The following CSMD1 variants were observed in gnomAD, a reference collection of about 807,000 sequenced individuals.
CSMD1 encodes the protein CUB and Sushi multiple domains 1, also known as CUB and sushi domain-containing protein 1.
A neutral mutation model predicts 417.5 loss-of-function variants in CSMD1; 213 were observed. The observed-to-expected ratio is 0.51, with a 90% confidence interval of 0.46 to 0.57. The LOEUF (loss-of-function observed/expected upper bound fraction) is 0.57. Ranked by LOEUF, CSMD1 falls within the 20% of genes least tolerant of loss-of-function variation. The probability of loss-of-function intolerance (pLI) is 0.00; values close to 1 mark genes in which losing one functional copy is unlikely to be tolerated. For synonymous variants in CSMD1, 2,862 were observed against 1,736.8 expected, an observed-to-expected ratio of 1.65 and a Z score of -16.11; for missense variants, 6,923 against 4,529.7, an observed-to-expected ratio of 1.53 and a Z score of -15.17.
chr8:3,982,404 T>G (rs1239942575), intron 5 of CSMD1, among the ~76,000 whole-genome samples: 1 of 151,890 alleles, frequency 6.6e-6, no homozygotes, highest in Non-Finnish European at 1.5e-5. Flanking sequence ...TTAAATGAGC[T>G]AATATATGGA....
chr8:3,722,914 T>C (rs577778319), intron 6 of CSMD1, among the ~76,000 whole-genome samples: 123 of 13,540 alleles, frequency 9.1e-3, no homozygotes, highest in African/African-American at 0.016. Context: ...AGCAAACTAT[T>C]GTGTGTGTGC....
chr8:3,036,388 T>C (rs1810675552), intron 50 of CSMD1, among the ~76,000 whole-genome samples: 3 of 152,234 alleles, frequency 2.0e-5, no homozygotes. Context: ...TTTTGCTTTG[T>C]TTTGTTTCTT....
At chr8:4,354,242 A>G (rs1801266070) in intron 3 of CSMD1, among the ~76,000 whole-genome samples, 1 of 152,152 alleles carries the variant, frequency 6.6e-6, no homozygotes, top group African/African-American at 2.4e-5. Context: ...CACCTTACCA[A>G]CAACATTGTA....
chr8:3,273,679 G>A (rs567463125), intron 26 of CSMD1, among the ~76,000 whole-genome samples: 1 of 152,162 alleles, frequency 6.6e-6, no homozygotes, highest in African/African-American at 2.4e-5. Context: ...ATGTGTCCAG[G>A]AATTTATCCA....
intron 54 of CSMD1, among the ~76,000 whole-genome samples, chr8:2,987,427 AAT>A (rs929773562): frequency 6.7e-6 from 1 of 148,448 alleles, no homozygotes; most frequent in African/African-American, 2.4e-5. Context: ...TATATACATA[AAT>A]ATATATAAGA....
chr8:3,952,503 C>G (rs757505165), intron 5 of CSMD1, among the ~76,000 whole-genome samples: 10 of 152,080 alleles, frequency 6.6e-5, no homozygotes, highest in Non-Finnish European at 1.2e-4. Flanking sequence ...CAGATACAAG[C>G]CACATAAACA....
intron 1 of CSMD1, among the ~76,000 whole-genome samples, chr8:4,698,363 G>A (rs922739707): frequency 6.6e-6 from 1 of 152,052 alleles, no homozygotes; most frequent in Non-Finnish European, 1.5e-5. Flanking sequence ...ATAAACTGGT[G>A]AATGCATCAG....
chr8:4,678,222 C>T (rs1202046202), intron 1 of CSMD1, among the ~76,000 whole-genome samples: 1 of 151,694 alleles, frequency 6.6e-6, no homozygotes, highest in African/African-American at 2.4e-5. Context: ...GTCAGCCTGG[C>T]CAACCTGGTG....
chr8:4,448,363 G>A (rs929609383), intron 2 of CSMD1, among the ~76,000 whole-genome samples: 1 of 152,136 alleles, frequency 6.6e-6, no homozygotes, highest in African/African-American at 2.4e-5. Context: ...TCAATTAACA[G>A]GGAATAAAAC....
chr8:3,359,969 C>G (rs1203694098), intron 20 of CSMD1, among the ~76,000 whole-genome samples: 1 of 152,156 alleles, frequency 6.6e-6, no homozygotes, highest in Non-Finnish European at 1.5e-5. Context: ...AATAATTTTA[C>G]TGATATTTCT....
At chr8:4,362,195 C>A (rs118103095) in intron 3 of CSMD1, among the ~76,000 whole-genome samples, 4 of 152,086 alleles carry the variant, frequency 2.6e-5, no homozygotes, top group Non-Finnish European at 5.9e-5. Flanking sequence ...TCCATTACAT[C>A]TGTATTTTCC....
chr8:4,670,680 A>T (rs1435479649), intron 1 of CSMD1, among the ~76,000 whole-genome samples: 1 of 152,168 alleles, frequency 6.6e-6, no homozygotes, highest in Non-Finnish European at 1.5e-5. Flanking sequence ...TATTACTATG[A>T]TAGGTTTGAT....
intron 3 of CSMD1, among the ~76,000 whole-genome samples, chr8:4,056,029 G>A (rs929713181): frequency 1.3e-5 from 2 of 150,976 alleles, no homozygotes; most frequent in African/African-American, 4.9e-5. Context: ...ATTTCCTCCT[G>A]GGAAAATTGA....
intron 36 of CSMD1, among the ~76,000 whole-genome samples, chr8:3,182,621 T>A (rs1821421775): frequency 1.7e-5 from 1 of 60,606 alleles, no homozygotes; most frequent in Non-Finnish European, 5.0e-5. Context: ...TGTGTGTGTG[T>A]GTGTGTGTGT....
At chr8:4,364,530 A>G (rs1332015890) in intron 3 of CSMD1, among the ~76,000 whole-genome samples, 1 of 78,604 alleles carries the variant, frequency 1.3e-5, no homozygotes, top group Non-Finnish European at 2.3e-5. Flanking sequence ...CATTTTTTAA[A>G]AAGATAATCA....
chr8:4,031,249 A>C (rs927620932), intron 4 of CSMD1, among the ~76,000 whole-genome samples: 8 of 152,208 alleles, frequency 5.3e-5, no homozygotes, highest in Non-Finnish European at 1.0e-4. Context: ...CTGCTGATAA[A>C]GACATACCTG....
At chr8:4,806,311 G>A (rs1046654683) in intron 1 of CSMD1, among the ~76,000 whole-genome samples, 51 of 152,136 alleles carry the variant, frequency 3.4e-4, no homozygotes, top group African/African-American at 9.9e-4. Flanking sequence ...AGGTGGCCTA[G>A]TTCCACCCTA....
intron 5 of CSMD1, among the ~76,000 whole-genome samples, chr8:3,844,506 C>A (rs911032149): frequency 6.6e-6 from 1 of 152,068 alleles, no homozygotes; most frequent in South Asian, 2.1e-4. Context: ...TGTGACTAAC[C>A]GTAACTTCAT....
At position 3,662,856 on chromosome 8, in the gene CSMD1, G is replaced by A. The variant is rs71521886; in HGVS notation, c.1009+45558C>T. 7.0e-3 allele frequency among the ~76,000 whole-genome samples: 1,066 copies of A among 152,078 alleles called. 11 individuals carry two copies. The highest frequency in any genetic ancestry group is 0.048 in the Middle Eastern group (14 of 292). ...CCTGTCGGTGGGTAGGGGGAAAGAG[G>A]GGGGAGAGCATTAGGACAAATATGT... On this transcript the variant is annotated intron_variant, in intron 7 of 69. Coordinates refer to ENST00000635120, the MANE Select transcript of CSMD1 (RefSeq NM_033225.6).
Sources: allele counts gnomAD v4.1 joint callset (sites outside exome capture counted in the v4.1 genomes callset), GRCh38; gene constraint gnomAD v4.1.1; transcripts MANE v1.5; gene names NCBI Gene and HGNC (gene_info 2026-07-23, HGNC 2026-07-21).